Variants in GPM6A observed in about 807,000 individuals in gnomAD.
GPM6A encodes the protein glycoprotein M6A.
Under a neutral mutation model 32.1 loss-of-function variants are expected in GPM6A, and 7 were observed. The ratio of observed to expected loss-of-function variants is 0.22; its 90% confidence interval spans 0.12 to 0.41. The LOEUF (loss-of-function observed/expected upper bound fraction) is 0.41. GPM6A is among the 10% of genes least tolerant of loss of function. The pLI is 1.00. For synonymous variants in GPM6A, 130 were observed against 123.4 expected (o/e 1.05, Z -0.35); for missense variants, 235 against 347.2 (o/e 0.68, Z 2.57).
chr4:175,976,328 A>ATTT (rs34163669), intron 1 of GPM6A, among the ~76,000 whole-genome samples: 12 of 137,336 alleles, frequency 8.7e-5, no homozygotes, highest in Admixed American at 4.9e-4. Context: ...CGCCTGGCTA[A>ATTT]TTTTTTTTTT....
chr4:175,787,860 C>G (rs1413514788), intron 1 of GPM6A: 1 of 154,236 alleles, frequency 6.5e-6, no homozygotes, highest in Non-Finnish European at 1.4e-5. Flanking sequence ...AATTTGACTA[C>G]AGCTGGCCCA....
At chr4:175,787,445 T>C in intron 1 of GPM6A, 1 of 1,503,428 alleles carries the variant, frequency 6.7e-7, no homozygotes, top group Non-Finnish European at 8.8e-7. Context: ...TTTAACATTC[T>C]GTTTCGTGTT....
rs572418160 is a variant in GPM6A, at chr4:175,937,016, T to C, written c.-23+65293A>G. Among the ~76,000 whole-genome samples the C allele has an allele frequency of 6.9e-4, 105 of 152,292 alleles. 1 individual carries two copies. The highest frequency in any genetic ancestry group is 6.7e-3 in the Admixed American group (103 of 15,306). On this transcript the variant is annotated intron_variant, in intron 1 of 7. Transcript: ENST00000280187. Reference sequence around the variant, plus strand: ...TAAAACAAATGTAAATTATATCTTTTCCTCAGATACCTATAAATAAGATTG... The same window carrying C: ...TAAAACAAATGTAAATTATATCTTTCCCTCAGATACCTATAAATAAGATTG...
At chr4:175,797,132 A>T (rs1734265254) in intron 1 of GPM6A, among the ~76,000 whole-genome samples, 1 of 152,178 alleles carries the variant, frequency 6.6e-6, no homozygotes, top group African/African-American at 2.4e-5. Context: ...AACACATGTA[A>T]AATTGAACCA....
intron 1 of GPM6A, among the ~76,000 whole-genome samples, chr4:175,892,603 C>T (rs1250010670): frequency 6.6e-5 from 10 of 152,272 alleles, no homozygotes; most frequent in South Asian, 6.2e-4. Context: ...TTTTCCACTA[C>T]GGCTCTTTCA....
chr4:175,734,156 A>ATT (rs1293353203), intron 1 of GPM6A, among the ~76,000 whole-genome samples: 48 of 83,902 alleles, frequency 5.7e-4, no homozygotes, highest in East Asian at 2.5e-3. Flanking sequence ...ATATATATAT[A>ATT]TATATTTTTT....
intron 1 of GPM6A, among the ~76,000 whole-genome samples, chr4:175,763,460 A>G (rs1283652691): frequency 1.3e-5 from 2 of 152,184 alleles, no homozygotes; most frequent in African/African-American, 4.8e-5. Context: ...TGACTAATTT[A>G]CTAAAATTTT....
At chr4:175,753,643 T>A (rs1732421357) in intron 1 of GPM6A, among the ~76,000 whole-genome samples, 1 of 152,154 alleles carries the variant, frequency 6.6e-6, no homozygotes, top group Non-Finnish European at 1.5e-5. Context: ...CTTCTTTATA[T>A]TCCAGCAAAT....
intron 1 of GPM6A, among the ~76,000 whole-genome samples, chr4:175,721,101 GTA>G (rs1193811065): frequency 5.9e-4 from 79 of 133,264 alleles, no homozygotes; most frequent in East Asian, 4.1e-3. Flanking sequence ...TATATTTCTA[GTA>G]TATATATATA....
intron 1 of GPM6A, among the ~76,000 whole-genome samples, chr4:175,805,641 G>A (rs1734665559): frequency 6.6e-6 from 1 of 152,130 alleles, no homozygotes; most frequent in African/African-American, 2.4e-5. Flanking sequence ...AACAATGTAA[G>A]AAAGTGTCTT....
chr4:175,972,885 T>C (rs572519455), intron 1 of GPM6A, among the ~76,000 whole-genome samples: 10 of 152,222 alleles, frequency 6.6e-5, no homozygotes, highest in Non-Finnish European at 1.5e-4. Context: ...TATCTTTCTA[T>C]ACTATTAAAC....
intron 1 of GPM6A, among the ~76,000 whole-genome samples, chr4:175,966,183 G>A (rs1254145109): frequency 6.6e-6 from 1 of 151,920 alleles, no homozygotes; most frequent in Non-Finnish European, 1.5e-5. Context: ...GAGGTGGGAG[G>A]ATTGCTTAAA....
intron 1 of GPM6A, among the ~76,000 whole-genome samples, chr4:175,713,191 C>CTATTTT (rs565653505): frequency 0.012 from 1,831 of 152,014 alleles, 30 homozygotes; most frequent in African/African-American, 0.039. Flanking sequence ...ATGATAATCT[C>CTATTTT]TATTTTTATT....
At chr4:175,734,227 T>G (rs76670101) in intron 1 of GPM6A, among the ~76,000 whole-genome samples, 7,867 of 151,818 alleles carry the variant, frequency 0.052, 567 homozygotes, top group East Asian at 0.38. Context: ...ATTTGTACTT[T>G]TATTAAAGGT....
At chr4:175,840,889 C>T (rs985954760) in intron 1 of GPM6A, among the ~76,000 whole-genome samples, 53 of 152,220 alleles carry the variant, frequency 3.5e-4, no homozygotes, top group African/African-American at 1.0e-3. Flanking sequence ...GCAAATATAA[C>T]ATTAATTGAG....
chr4:175,743,970 A>AC (rs1412871029), intron 1 of GPM6A, among the ~76,000 whole-genome samples: 8 of 151,238 alleles, frequency 5.3e-5, no homozygotes, highest in East Asian at 3.9e-4. Flanking sequence ...AAAAAAAAAA[A>AC]AACAAAAGGT....
At chr4:175,721,045 T>TAAA (rs56306914) in intron 1 of GPM6A, among the ~76,000 whole-genome samples, 1 of 131,520 alleles carries the variant, frequency 7.6e-6, no homozygotes, top group African/African-American at 2.9e-5. Context: ...ATATATTATA[T>TAAA]ATATATATGT....
intron 1 of GPM6A, among the ~76,000 whole-genome samples, chr4:175,833,903 C>T (rs756938360): frequency 7.9e-5 from 12 of 152,062 alleles, no homozygotes; most frequent in Non-Finnish European, 1.8e-4. Flanking sequence ...ATTGAGACCA[C>T]GATTTCTTGA....
intron 1 of GPM6A, among the ~76,000 whole-genome samples, chr4:175,767,142 A>C (rs1733004385): frequency 6.6e-6 from 1 of 152,180 alleles, no homozygotes; most frequent in African/African-American, 2.4e-5. Flanking sequence ...CCTGAAATAA[A>C]AGCTATCAGT....
Sources: gnomAD v4.1 joint callset for allele counts (sites outside exome capture counted in the v4.1 genomes callset) on GRCh38, gnomAD v4.1.1 for gene constraint, MANE v1.5 for transcripts, NCBI Gene and HGNC (gene_info 2026-07-23, HGNC 2026-07-21) for gene names.